RAB3GAP1: variants seen among roughly 807,000 people sequenced by gnomAD.
The protein encoded by RAB3GAP1 is RAB3 GTPase activating protein catalytic subunit 1, also known as rab3 GTPase-activating protein catalytic subunit.
In RAB3GAP1, 86 loss-of-function variants were observed where a neutral mutation model predicts 130.7. That is an observed-to-expected ratio of 0.66 (90% confidence interval 0.55 to 0.79). RAB3GAP1 has a LOEUF of 0.79. RAB3GAP1 is among the 30% of genes least tolerant of loss of function. The pLI is 0.00. For synonymous variants in RAB3GAP1, 367 were observed against 401.7 expected (o/e 0.91, Z 1.03); for missense variants, 1,029 against 1,169.4 (o/e 0.88, Z 1.75).
downstream of RAB3GAP1, among the ~76,000 whole-genome samples, chr2:135,174,437 C>T (rs1460266326): frequency 6.6e-6 from 1 of 152,228 alleles, no homozygotes; most frequent in Non-Finnish European, 1.5e-5. Flanking sequence ...AGGAGTCTCC[C>T]AGCCTGCCTG....
Position 135,085,876 on chromosome 2 carries a change from A to G in RAB3GAP1, c.151-5122A>G, listed in dbSNP as rs190037213. On this transcript the variant is annotated intron_variant, in intron 3 of 23. Transcript: ENST00000264158. ...GTATATACCCATGTTACCACCATTC[A>G]TATCAAAATGTAGAACATTTTTGTT... 1.2e-3 allele frequency among the ~76,000 whole-genome samples: 188 copies of G among 152,322 alleles called. 2 individuals are homozygous for G. Among genetic ancestry groups the G allele is most frequent in the African/African-American group, 4.0e-3 (165 of 41,570 alleles).
Position 135,169,032 on chromosome 2 carries a change from GT to G in RAB3GAP1, c.*252del. 2.0e-6 allele frequency: 1 copy of G among 505,558 alleles called. No homozygotes were observed. The highest frequency in any genetic ancestry group is 2.1e-5 in the African/African-American group (1 of 46,924). 31.3% of individuals were successfully genotyped at this position (505,558 alleles called of 1,614,324 possible). ...AGAGATGGCCTTTGTATATGGGGGG[GT>G]GGTGGGGGGACACAAACACATCAGA... On this transcript the variant is annotated 3_prime_UTR_variant, in exon 24 of 24. Coordinates refer to ENST00000264158, the MANE Select transcript of RAB3GAP1 (RefSeq NM_012233.3).
rs578050875 is a variant in RAB3GAP1 at position 135,148,608 on chromosome 2, C to A, written c.1924-1761C>A. Among the ~76,000 whole-genome samples, 493 of 150,924 alleles carry A rather than the reference C, an allele frequency of 3.3e-3. 3 individuals are homozygous for A. Among genetic ancestry groups the A allele is most frequent in the African/African-American group, 0.011 (449 of 41,070 alleles). ...CTTCTGGGTTCAAGCGATTCTCCTG[C>A]CTCAGCCTCCTGAGTAGCTGAGATT... is the stretch of plus-strand genomic sequence containing the variant. On this transcript the variant is annotated intron_variant, in intron 17 of 23. Transcript: ENST00000264158.
At chr2:135,115,154 T>C in intron 6 of RAB3GAP1, 62 bp from the exon 7 acceptor site, 1 of 1,472,816 alleles carries the variant, frequency 6.8e-7, no homozygotes, top group Non-Finnish European at 9.4e-7. Flanking sequence ...GGAAAAAATT[T>C]GAGGTTCAGG....
chr2:135,124,143 G>A, intron 8 of RAB3GAP1, 22 bp from the exon 9 acceptor site: 1 of 1,606,096 alleles, frequency 6.2e-7, no homozygotes, highest in Non-Finnish European at 8.5e-7. Context: ...CCAAATGATG[G>A]AAAAATATTT....
At chr2:135,084,217 C>G (rs1262430235) in intron 3 of RAB3GAP1, among the ~76,000 whole-genome samples, 1 of 152,140 alleles carries the variant, frequency 6.6e-6, no homozygotes, top group African/African-American at 2.4e-5. Context: ...TGCACTCCAG[C>G]CTGGGCAACA....
chr2:135,160,986 G>C (rs987605087), intron 19 of RAB3GAP1, among the ~76,000 whole-genome samples: 2 of 152,130 alleles, frequency 1.3e-5, no homozygotes, highest in Non-Finnish European at 2.9e-5. Context: ...CAGGTCATAC[G>C]TGAATCCAGG....
Position 135,135,300 on chromosome 2 carries a change from T to A in RAB3GAP1, c.1535T>A (p.Leu512Ter). Residue 512 changes from leucine (L) to a stop codon, truncating the protein, a stop_gained, in exon 16 of 24, where the codon TTA becomes TAA. Coordinates refer to ENST00000264158, the MANE Select transcript of RAB3GAP1 (RefSeq NM_012233.3). LOFTEE classifies it high-confidence loss of function. ...ASGPPDLRCC[L>*]LHQKLQMLNC... ...GGACCCCCAGATCTGAGGTGTTGTTTACTGCATCAGAAACTACAGGTAAAG... is the reference window on the plus strand; with the variant it reads ...GGACCCCCAGATCTGAGGTGTTGTTAACTGCATCAGAAACTACAGGTAAAG... 6.2e-7 allele frequency: 1 copy of A among 1,610,248 alleles called. No individual in the cohort carries two copies. Among genetic ancestry groups the A allele is most frequent in the Non-Finnish European group, 8.5e-7 (1 of 1,176,530 alleles).
At chr2:135,075,753 T>A (rs1057378346) in intron 3 of RAB3GAP1, among the ~76,000 whole-genome samples, 21 of 151,928 alleles carry the variant, frequency 1.4e-4, no homozygotes, top group Admixed American at 1.2e-3. Context: ...CATTTGAGAG[T>A]GAGGAACTAA....
intron 3 of RAB3GAP1, among the ~76,000 whole-genome samples, chr2:135,084,269 T>C (rs1476009443): frequency 6.6e-6 from 1 of 152,212 alleles, no homozygotes; most frequent in South Asian, 2.1e-4. Flanking sequence ...AATAATCAAT[T>C]TGGGTTGTCT....
At chr2:135,112,755 A>G (rs891608987) in intron 5 of RAB3GAP1, among the ~76,000 whole-genome samples, 12 of 152,236 alleles carry the variant, frequency 7.9e-5, no homozygotes, top group African/African-American at 2.9e-4. Flanking sequence ...ACTTGTTAGT[A>G]AACACATGGG....
At position 135,162,603 on chromosome 2, in the gene RAB3GAP1, C is replaced by T; in HGVS notation, c.2338C>T (p.Leu780=). ...GAAACCTGCAGACCTTGCTCGGCACCTGTTACCTTGTGTGATTCATGCAGC... is the reference window on the plus strand; with the variant it reads ...GAAACCTGCAGACCTTGCTCGGCACTTGTTACCTTGTGTGATTCATGCAGC... ...IQKPADLARH[L]LPCVIHAAVL... Residue 780 remains leucine (L), a synonymous_variant, in exon 20 of 24, where the codon CTG becomes TTG. Transcript: ENST00000264158. 1 of 1,614,128 alleles carries T rather than the reference C, an allele frequency of 6.2e-7. No individual in the cohort carries two copies. Among genetic ancestry groups the T allele is most frequent in the Non-Finnish European group, 8.5e-7 (1 of 1,180,002 alleles).
In RAB3GAP1 at chr2:135,132,888, C is replaced by T. The variant is rs774329588; in HGVS notation, c.1237-7C>T. ...AAAATGTGATTATTTTTTTCCTTTC[C>T]TTCAAGTTCTTATTCCCTGATGCTG... On this transcript the variant is annotated splice_region_variant and splice_polypyrimidine_tract_variant and intron_variant, in intron 13 of 23. Coordinates refer to ENST00000264158, the MANE Select transcript of RAB3GAP1 (RefSeq NM_012233.3). 2.0e-6 allele frequency: 3 copies of T among 1,514,204 alleles called. No individual in the cohort carries two copies. The highest frequency in any genetic ancestry group is 1.7e-4 in the Middle Eastern group (1 of 5,862). The allele number at this position is 1,514,204 out of a possible 1,614,324, so 93.8% of individuals were successfully genotyped here.
intron 3 of RAB3GAP1, among the ~76,000 whole-genome samples, chr2:135,075,915 T>C (rs973890463): frequency 1.0e-4 from 15 of 149,754 alleles, no homozygotes; most frequent in African/African-American, 3.2e-4. Context: ...GATTTCTTTT[T>C]TTTTTTTTTT....
chr2:135,121,815 G>A (rs1423048372), intron 8 of RAB3GAP1, among the ~76,000 whole-genome samples: 1 of 152,032 alleles, frequency 6.6e-6, no homozygotes, highest in East Asian at 1.9e-4. Flanking sequence ...AATACAGGCC[G>A]GGCACGGTGA....
At chr2:135,134,116 C>T in intron 15 of RAB3GAP1, 83 bp downstream of exon 15, 1 of 1,500,062 alleles carries the variant, frequency 6.7e-7, no homozygotes, top group Non-Finnish European at 9.2e-7. Context: ...TTTCCCCCTT[C>T]TAGGAAGTCT....
At chr2:135,082,320 A>T (rs1689848252) in intron 3 of RAB3GAP1, among the ~76,000 whole-genome samples, 1 of 152,148 alleles carries the variant, frequency 6.6e-6, no homozygotes, top group Non-Finnish European at 1.5e-5. Flanking sequence ...AAGAAACTCG[A>T]TACTTGTTAG....
At chr2:135,061,138 A>T (rs1347407002) in intron 3 of RAB3GAP1, among the ~76,000 whole-genome samples, 1 of 151,972 alleles carries the variant, frequency 6.6e-6, no homozygotes, top group Non-Finnish European at 1.5e-5. Context: ...GTTGTTGTAC[A>T]TACCAGAATT....
chr2:135,099,624 TTC>T (rs1690397396), intron 5 of RAB3GAP1, among the ~76,000 whole-genome samples: 1 of 152,154 alleles, frequency 6.6e-6, no homozygotes, highest in South Asian at 2.1e-4. Context: ...AAGTATTTTG[TTC>T]TCTTTTATTT....
Sources: gnomAD v4.1 joint callset for allele counts (sites outside exome capture counted in the v4.1 genomes callset) on GRCh38, gnomAD v4.1.1 for gene constraint, MANE v1.5 for transcripts, NCBI Gene and HGNC (gene_info 2026-07-23, HGNC 2026-07-21) for gene names.